SALL1: variants seen among roughly 807,000 people sequenced by gnomAD.
SALL1 encodes the protein spalt like transcription factor 1, also known as sal-like protein 1.
In SALL1, 10 loss-of-function variants were observed where a neutral mutation model predicts 73.1. The ratio of observed to expected loss-of-function variants is 0.14; its 90% CI spans 0.08 to 0.23. The LOEUF is 0.23. Ranked by LOEUF, SALL1 falls within the 10% of genes least tolerant of loss-of-function variation. SALL1 has a pLI of 1.00. For missense variants in SALL1, 1,520 were observed against 1,697.3 expected (o/e 0.90, Z 1.84); for synonymous variants, 688 against 689.8 (o/e 1.00, Z 0.04).
intron 1 of SALL1, chr16:51,150,743 C>A (rs1962585647): frequency 2.4e-5 from 8 of 334,474 alleles, no homozygotes; most frequent in Non-Finnish European, 3.4e-5. Context: ...GAGGCCGGGC[C>A]GGGTGCCCTG....
chr16:51,150,769 G>T, intron 1 of SALL1: 1 of 211,502 alleles, frequency 4.7e-6, no homozygotes, highest in Non-Finnish European at 8.5e-6. Context: ...GGCGCCGGGA[G>T]CGCTAGGGGC....
At chr16:51,145,336 C>G (rs1962501220) in intron 1 of SALL1, among the ~76,000 whole-genome samples, 1 of 152,020 alleles carries the variant, frequency 6.6e-6, no homozygotes, top group African/African-American at 2.4e-5. Context: ...AACTGGTGAC[C>G]CCATTATAGT....
Position 51,139,167 on chromosome 16 carries a change from G to T in SALL1, c.3055C>A (p.His1019Asn). ...CTCTCTTTGGTATGACTTCTATAGT[G>T]AATGTCCAAGGCACTCTGACAAGCA... ...TFACQSALDI[H>N]YRSHTKERPF... The change falls in exon 2 of 3, where the codon CAC becomes AAC. Residue 1019 changes from histidine to asparagine, a missense_variant. Transcript: ENST00000251020. 1 of 1,614,206 alleles carries T rather than the reference G, an allele frequency of 6.2e-7. No homozygotes were observed. Among genetic ancestry groups the T allele is most frequent in the Non-Finnish European group, 8.5e-7 (1 of 1,180,048 alleles).
rs185996794 is a variant in SALL1, at chr16:51,137,367, C to A, written c.3720G>T (p.Ala1240=). ...CCTTCATCGCCAGCCCGTTGGAGAG[C>A]GCTGCTGCATACTGATTCCAGAAGC... The part of the protein sequence containing the change: ...PSSFWNQYAA[A]LSNGLAMKAN... Residue 1240 remains alanine (A), a synonymous_variant, in exon 3 of 3, where the codon GCG becomes GCT. Transcript: ENST00000251020. 1.2e-6 allele frequency: 2 copies of A among 1,613,924 alleles called. No individual in the cohort carries two copies. The highest frequency in any genetic ancestry group is 1.7e-6 in the Non-Finnish European group (2 of 1,180,020).
chr16:51,151,859 G>A (rs533490973), upstream of SALL1, among the ~76,000 whole-genome samples: 2 of 151,436 alleles, frequency 1.3e-5, no homozygotes, highest in Non-Finnish European at 1.5e-5. Context: ...CCGGGCTGCC[G>A]GCGCGCTGCG....
chr16:51,139,633 G>A lies in SALL1; in HGVS notation c.2589C>T (p.Ile863=), dbSNP rs776017769. 22 of 1,613,558 alleles carry A rather than the reference G, an allele frequency of 1.4e-5. No homozygotes were observed. The highest frequency in any genetic ancestry group is 3.3e-4 in the Middle Eastern group (2 of 6,080). ...TCTTCATCTGATTTTCCAAAGCAGCGATGCTCGACATCTCGAGGGGCAAAG... is the reference window on the plus strand; with the variant it reads ...TCTTCATCTGATTTTCCAAAGCAGCAATGCTCGACATCTCGAGGGGCAAAG... ...SSPLPLEMSS[I]AALENQMKMI... The change falls in exon 2 of 3, where the codon ATC becomes ATT. Residue 863 remains isoleucine (I), a synonymous_variant. Coordinates refer to ENST00000251020, the MANE Select transcript of SALL1 (RefSeq NM_002968.3).
At chr16:51,148,853 A>G (rs1451285108) in intron 1 of SALL1, among the ~76,000 whole-genome samples, 1 of 151,824 alleles carries the variant, frequency 6.6e-6, no homozygotes, top group African/African-American at 2.4e-5. Context: ...CCATGTAAAA[A>G]CAGTCATAAC....
intron 1 of SALL1, chr16:51,150,607 T>G: frequency 1.0e-6 from 1 of 985,540 alleles, no homozygotes; most frequent in Non-Finnish European, 1.2e-6. Context: ...GACACCCGGT[T>G]CTGCCTCGCA....
rs369239453 is a variant in SALL1, at chr16:51,141,710, G to A, written c.512C>T (p.Ala171Val). ...GGGSSSTGTS[A>V]ITTSLPQLGD... is the part of the protein sequence containing the mutation. ...GAGTTGAGGTAGAGAGGTTGTGATC[G>A]CTGAGGTACCTGTGGAGGAGCTGCC... Residue 171 changes from alanine to valine, a missense_variant, in exon 2 of 3, where the codon GCG becomes GTG. Transcript: ENST00000251020. This position sits in a 1 kb window ranked among gnomAD's most constrained non-coding sequence, Gnocchi z 5.4. The A allele has an allele frequency of 9.9e-6, 16 of 1,613,522 alleles. No homozygotes were observed. The highest frequency in any genetic ancestry group is 9.3e-5 in the African/African-American group (7 of 74,976).
Position 51,135,990 on chromosome 16 carries a change from T to C in SALL1, c.*1122A>G, listed in dbSNP as rs1040142396. On this transcript the variant is annotated 3_prime_UTR_variant, in exon 3 of 3. Coordinates refer to ENST00000251020, the MANE Select transcript of SALL1 (RefSeq NM_002968.3). ...AAAACACAGACACAGTATTTTGTTT[T>C]ATCTGTTGCAAAAAAAATGTATTTG... 7 of 152,666 alleles carry C rather than the reference T, an allele frequency of 4.6e-5. No homozygotes were observed. The highest frequency in any genetic ancestry group is 1.9e-4 in the East Asian group (1 of 5,194). 9.5% of individuals were successfully genotyped at this position (152,666 alleles called of 1,614,324 possible). A position where few individuals can be genotyped will look rare whatever the true frequency, so the allele number is the denominator to read the frequency against.
intron 1 of SALL1, chr16:51,149,179 G>A (rs1370818420): frequency 6.6e-6 from 1 of 152,380 alleles, no homozygotes; most frequent in African/African-American, 2.4e-5. Context: ...TTTATGAGAA[G>A]ACTTAACTAT....
intron 1 of SALL1, among the ~76,000 whole-genome samples, chr16:51,148,930 G>C (rs1219479332): frequency 6.6e-6 from 1 of 152,036 alleles, no homozygotes; most frequent in African/African-American, 2.4e-5. Flanking sequence ...AGGCTGGGAG[G>C]GGGTGTTTCC....
upstream of SALL1, among the ~76,000 whole-genome samples, chr16:51,151,563 A>C (rs117887503): frequency 1.3e-3 from 197 of 151,522 alleles, 3 homozygotes; most frequent in East Asian, 0.035. Context: ...TGGCCCAATA[A>C]GCCGGCCGCG....
At chr16:51,142,166 C>A in intron 1 of SALL1, 21 bp from the exon 2 acceptor site, 1 of 1,583,348 alleles carries the variant, frequency 6.3e-7, no homozygotes, top group Non-Finnish European at 8.7e-7. Context: ...CAAAAAGGTG[C>A]AGGATTAGAA....
In SALL1 at chr16:51,136,998, T is replaced by C. The variant is rs1243167654; in HGVS notation, c.*114A>G. On this transcript the variant is annotated 3_prime_UTR_variant, in exon 3 of 3. Transcript: ENST00000251020. ...AATGTCTTCATAATGTTGTAGTTCATAGATCTGGGGAACAGAAGGAAGGGG... is the reference window on the plus strand; with the variant it reads ...AATGTCTTCATAATGTTGTAGTTCACAGATCTGGGGAACAGAAGGAAGGGG... 18 of 817,228 alleles carry C rather than the reference T, an allele frequency of 2.2e-5. No individual in the cohort carries two copies. The highest frequency in any genetic ancestry group is 3.3e-5 in the Non-Finnish European group (17 of 510,004). 50.6% of individuals were successfully genotyped at this position (817,228 alleles called of 1,614,324 possible). A position where few individuals can be genotyped will look rare whatever the true frequency, so the allele number is the denominator to read the frequency against.
chr16:51,137,019 A>AGGGGG lies in SALL1; in HGVS notation c.*92_*93insCCCCC, dbSNP rs1567313814. 1.1e-6 allele frequency: 1 copy of AGGGGG among 932,690 alleles called. No homozygotes were observed. The allele number at this position is 932,690 out of a possible 1,614,324, so 57.8% of individuals were successfully genotyped here. On this transcript the variant is annotated 3_prime_UTR_variant, in exon 3 of 3. Transcript: ENST00000251020. ...TTCATAGATCTGGGGAACAGAAGGA[A>AGGGGG]GGGGCGGGGCGGGGTGGGGGGCAAG...
intron 1 of SALL1, among the ~76,000 whole-genome samples, chr16:51,146,230 A>AT (rs1962515996): frequency 6.6e-6 from 1 of 152,164 alleles, no homozygotes; most frequent in Non-Finnish European, 1.5e-5. Context: ...TTGTGGAAGA[A>AT]TACAAGTGAA....
intron 1 of SALL1, chr16:51,150,869 C>T: frequency 1.2e-5 from 4 of 321,794 alleles, no homozygotes; most frequent in Non-Finnish European, 2.3e-5. Context: ...CCCGGAAAAG[C>T]AGGGACGGAG....
At chr16:51,151,102 G>A in intron 1 of SALL1, 64 bp downstream of exon 1, 1 of 1,240,664 alleles carries the variant, frequency 8.1e-7, no homozygotes, top group Non-Finnish European at 1.1e-6. Context: ...CGTGTGAGTG[G>A]GTCCGAGTGT....
Sources: gnomAD v4.1 joint callset for allele counts (sites outside exome capture counted in the v4.1 genomes callset) on GRCh38, gnomAD v4.1.1 for gene constraint, Gnocchi (gnomAD v3.1) non-coding constraint, MANE v1.5 for transcripts, NCBI Gene and HGNC (gene_info 2026-07-23, HGNC 2026-07-21) for gene names.